Variants in GALNT9 observed in about 807,000 individuals in gnomAD.
GALNT9 encodes polypeptide N-acetylgalactosaminyltransferase 9.
GALNT9 carries 47 observed loss-of-function variants against 63.1 expected under a neutral mutation model. The ratio of observed to expected loss-of-function variants is 0.75; its 90% confidence interval spans 0.59 to 0.95. GALNT9 has a LOEUF of 0.95. Among genes scored for constraint, GALNT9 ranks in the 40% least tolerant of loss-of-function variants. The pLI is 0.00. For missense variants in GALNT9, 829 were observed against 874.8 expected (o/e 0.95, Z 0.66); for synonymous variants, 396 against 365.7 (o/e 1.08, Z -0.94).
chr12:132,307,323 C>T (rs532479379), intron 1 of GALNT9, among the ~76,000 whole-genome samples: 4 of 152,250 alleles, frequency 2.6e-5, no homozygotes, highest in Admixed American at 6.5e-5. Context: ...TTAACAAATA[C>T]GCACTGGGTC....
At chr12:132,287,243 C>T (rs1880636696) in intron 1 of GALNT9, among the ~76,000 whole-genome samples, 1 of 152,242 alleles carries the variant, frequency 6.6e-6, no homozygotes, top group Non-Finnish European at 1.5e-5. Flanking sequence ...CACGTTCACG[C>T]CCAGGCGCTG....
At chr12:132,233,222 C>A (rs1877912279) in intron 6 of GALNT9, among the ~76,000 whole-genome samples, 1 of 22,666 alleles carries the variant, frequency 4.4e-5, no homozygotes, top group Non-Finnish European at 8.2e-5. Context: ...GTCCCTAGTG[C>A]CACACACTCG....
intron 6 of GALNT9, among the ~76,000 whole-genome samples, chr12:132,208,351 G>A (rs1178245715): frequency 6.6e-6 from 1 of 152,218 alleles, no homozygotes; most frequent in Non-Finnish European, 1.5e-5. Flanking sequence ...GAGCCCGGCT[G>A]GCACTCTGCA....
intron 2 of GALNT9, among the ~76,000 whole-genome samples, chr12:132,271,108 C>T (rs1879846901): frequency 6.6e-6 from 1 of 152,208 alleles, no homozygotes; most frequent in African/African-American, 2.4e-5. Context: ...CTGTGCCAGT[C>T]CCCCATGCGC....
intron 1 of GALNT9, among the ~76,000 whole-genome samples, chr12:132,321,443 A>G (rs1437347974): frequency 6.6e-6 from 1 of 152,138 alleles, no homozygotes; most frequent in African/African-American, 2.4e-5. Flanking sequence ...CCCACAAAAC[A>G]GGCACCCACA....
intron 6 of GALNT9, among the ~76,000 whole-genome samples, chr12:132,228,009 G>A (rs1030280249): frequency 3.3e-5 from 5 of 152,128 alleles, no homozygotes; most frequent in Admixed American, 6.5e-5. Context: ...TGAGTGGCCC[G>A]TCTTGTAGCT....
intron 5 of GALNT9, among the ~76,000 whole-genome samples, chr12:132,255,544 A>T (rs1156237468): frequency 6.6e-6 from 1 of 152,222 alleles, no homozygotes; most frequent in Admixed American, 6.5e-5. Flanking sequence ...TCTGCATCAT[A>T]AAACCTCGGT....
At chr12:132,202,163 C>G (rs1035318092) in intron 7 of GALNT9, among the ~76,000 whole-genome samples, 25 of 152,252 alleles carry the variant, frequency 1.6e-4, no homozygotes, top group African/African-American at 6.0e-4. Context: ...AGGTTTTAAT[C>G]AGCCAAGGGG....
chr12:132,257,126 T>G (rs551212224), intron 5 of GALNT9, among the ~76,000 whole-genome samples: 95 of 152,328 alleles, frequency 6.2e-4, no homozygotes, highest in Non-Finnish European at 1.2e-3. Context: ...TGCCAAAAAC[T>G]GTGGGAGGTG....
Position 132,327,386 on chromosome 12 carries a change from A to T in GALNT9, c.238+1580T>A, listed in dbSNP as rs1869084164. Among the ~76,000 whole-genome samples, 1 of 151,986 alleles carries T rather than the reference A, an allele frequency of 6.6e-6. No individual in the cohort carries two copies. The highest frequency in any genetic ancestry group is 1.5e-5 in the Non-Finnish European group (1 of 67,986). On this transcript the variant is annotated intron_variant, in intron 1 of 10. Coordinates refer to ENST00000328957, the MANE Select transcript of GALNT9 (RefSeq NM_001122636.2). This position sits in a 1 kb window ranked among gnomAD's most constrained non-coding sequence, Gnocchi z 4.3. ...GGTCCTGGCTTTTTCCACCACCAAG[A>T]ATCCCAGCCGATTCTCACCTTGAAG...
At position 132,262,374 on chromosome 12, in the gene GALNT9, C is replaced by T. The variant is rs953903193; in HGVS notation, c.586+85G>A. Reference sequence around the variant, plus strand: ...TGGGGTGCAGTCCTCTGTCGCTCTGCCCCCGGAGGCTCCACCCAACCCCAA... The same window carrying T: ...TGGGGTGCAGTCCTCTGTCGCTCTGTCCCCGGAGGCTCCACCCAACCCCAA... On this transcript the variant is annotated intron_variant, in intron 3 of 10. Coordinates refer to ENST00000328957, the MANE Select transcript of GALNT9 (RefSeq NM_001122636.2). The T allele has an allele frequency of 4.8e-6, 7 of 1,468,946 alleles. No homozygotes were observed. In the African/African-American group the frequency reaches 8.4e-5, roughly 18 times the overall value. 91.0% of individuals were successfully genotyped at this position (1,468,946 alleles called of 1,614,324 possible). A position where few individuals can be genotyped will look rare whatever the true frequency, so the allele number is the denominator to read the frequency against.
chr12:132,276,953 CAT>C (rs540210263), intron 2 of GALNT9, among the ~76,000 whole-genome samples: 67 of 152,132 alleles, frequency 4.4e-4, no homozygotes, highest in Middle Eastern at 3.4e-3. Flanking sequence ...CACACACACA[CAT>C]GTACATACAT....
intron 6 of GALNT9, among the ~76,000 whole-genome samples, chr12:132,206,451 C>T (rs113497698): frequency 6.6e-6 from 1 of 151,984 alleles, no homozygotes; most frequent in African/African-American, 2.4e-5. Context: ...AGTTCGAGAC[C>T]GCCTGGCCAA....
rs376656126 is a variant in GALNT9 at position 132,197,186 on chromosome 12, A to G, written c.1733T>C (p.Phe578Ser). 6.2e-6 allele frequency: 10 copies of G among 1,613,928 alleles called. No homozygotes were observed. In the East Asian group the frequency reaches 2.2e-4, roughly 36 times the overall value. Reference sequence around the variant, plus strand: ...CCTCTGTACCACCAGCCGGAGCCCAAAGTTGGCATCTTTGGACATCTCCAC... The same window carrying G: ...CCTCTGTACCACCAGCCGGAGCCCAGAGTTGGCATCTTTGGACATCTCCAC... ...LEVEMSKDAN[F>S]GLRLVVQRCS... is the part of the protein sequence containing the mutation. Residue 578 changes from phenylalanine (F) to serine (S), a missense_variant, in exon 11 of 11, where the codon TTT becomes TCT. Physicochemically the swap from Phe to Ser is radical, Grantham distance 155. Coordinates refer to ENST00000328957, the MANE Select transcript of GALNT9 (RefSeq NM_001122636.2).
In GALNT9 at chr12:132,252,829, G is replaced by A. The variant is rs1447481195; in HGVS notation, c.960-4802C>T. 6.6e-6 allele frequency among the ~76,000 whole-genome samples: 1 copy of A among 151,854 alleles called. No individual in the cohort carries two copies. Among genetic ancestry groups the A allele is most frequent in the Non-Finnish European group, 1.5e-5 (1 of 67,986 alleles). On this transcript the variant is annotated intron_variant, in intron 5 of 10. Transcript: ENST00000328957. The surrounding 1 kb of genome is among the most constrained non-coding windows in gnomAD (Gnocchi z 5.2). ...ACCTGGGAGGCGGAGGTTGTGGTGA[G>A]CCGAGATCGCACCACTGCACTCCAG...
intron 6 of GALNT9, among the ~76,000 whole-genome samples, chr12:132,217,922 C>T (rs1410348772): frequency 6.6e-6 from 1 of 151,052 alleles, no homozygotes; most frequent in African/African-American, 2.4e-5. Context: ...CACCCACCCA[C>T]CCATCCATTC....
At chr12:132,291,256 G>C (rs1555242714) in intron 1 of GALNT9, among the ~76,000 whole-genome samples, 1 of 40,768 alleles carries the variant, frequency 2.5e-5, no homozygotes. Context: ...CACGTCCTCA[G>C]CGCCCACAAC....
In GALNT9 at chr12:132,197,800, A is replaced by G. The variant is rs767328001; in HGVS notation, c.1657T>C (p.Phe553Leu). ...CTTCCCCAGAGGCTGACCTGGGTGA[A>G]GTCCCACAGCCGCTGTGTTGGCCGC... ...VARPTQRLWD[F>L]TQSGPIVSRA... Residue 553 changes from phenylalanine to leucine, a missense_variant, in exon 10 of 11, where the codon TTC becomes CTC. Phe to Leu is a conservative substitution (Grantham distance 22). Coordinates refer to ENST00000328957, the MANE Select transcript of GALNT9 (RefSeq NM_001122636.2). 1.9e-6 allele frequency: 3 copies of G among 1,573,424 alleles called. No individual in the cohort carries two copies. In the Admixed American group the frequency reaches 5.4e-5, roughly 29 times the overall value.
rs1424559920 is a variant in GALNT9, at chr12:132,210,094, G to A, written c.1078-6404C>T. ...GGTGACACACCAAGGCTGAGGGGCC[G>A]TCACTAACTGCAGAGGCCAGAGATG... On this transcript the variant is annotated intron_variant, in intron 6 of 10. Transcript: ENST00000328957. Among the ~76,000 whole-genome samples, 9 of 152,302 alleles carry A rather than the reference G, an allele frequency of 5.9e-5. No homozygotes were observed. In the East Asian group the frequency reaches 1.2e-3, roughly 20 times the overall value.
Sources: gnomAD v4.1 joint callset for allele counts (sites outside exome capture counted in the v4.1 genomes callset) on GRCh38, gnomAD v4.1.1 for gene constraint, Gnocchi (gnomAD v3.1) non-coding constraint, MANE v1.5 for transcripts, NCBI Gene and HGNC (gene_info 2026-07-23, HGNC 2026-07-21) for gene names.